Variants in CACNB4 observed in about 807,000 individuals in gnomAD.
The protein encoded by CACNB4 is voltage-dependent L-type calcium channel subunit beta-4.
CACNB4 carries 32 observed loss-of-function variants against 71.2 expected under a neutral mutation model. The ratio of observed to expected loss-of-function variants is 0.45; its 90% CI spans 0.34 to 0.60. The LOEUF (loss-of-function observed/expected upper bound fraction) is 0.60. Among genes scored for constraint, CACNB4 ranks in the 20% least tolerant of loss-of-function variants. The pLI is 0.01. For synonymous variants in CACNB4, 231 were observed against 236.9 expected, an observed-to-expected ratio of 0.97 and a Z score of 0.23; for missense variants, 464 against 647.9, an observed-to-expected ratio of 0.72 and a Z score of 3.08.
chr2:151,990,540 G>A (rs1007722483), intron 2 of CACNB4, among the ~76,000 whole-genome samples: 14 of 152,154 alleles, frequency 9.2e-5, no homozygotes, highest in African/African-American at 3.4e-4. Flanking sequence ...AACAGGGACC[G>A]GGTCTTGTGC....
intron 2 of CACNB4, among the ~76,000 whole-genome samples, chr2:151,975,397 T>C (rs1358304251): frequency 1.3e-5 from 2 of 152,234 alleles, no homozygotes; most frequent in African/African-American, 4.8e-5. Context: ...GTCGCACATC[T>C]TGGGAGTGGC....
intron 2 of CACNB4, among the ~76,000 whole-genome samples, chr2:152,035,283 G>A (rs746456124): frequency 2.0e-5 from 3 of 152,156 alleles, no homozygotes; most frequent in African/African-American, 2.4e-5. Context: ...TTCGCAGGCC[G>A]GGAGCAGTGG....
intron 2 of CACNB4, among the ~76,000 whole-genome samples, chr2:152,002,965 T>A (rs1682509127): frequency 6.6e-6 from 1 of 152,206 alleles, no homozygotes; most frequent in Non-Finnish European, 1.5e-5. Context: ...GAGCCCCAAT[T>A]AGGTTCTGCA....
intron 12 of CACNB4, among the ~76,000 whole-genome samples, chr2:151,846,547 T>G (rs1201894621): frequency 6.6e-6 from 1 of 152,060 alleles, no homozygotes; most frequent in Non-Finnish European, 1.5e-5. Context: ...GTTTGTTTTT[T>G]GTTTTGTTTT....
intron 2 of CACNB4, among the ~76,000 whole-genome samples, chr2:152,043,638 C>T (rs562560169): frequency 6.6e-6 from 1 of 152,140 alleles, no homozygotes; most frequent in African/African-American, 2.4e-5. Context: ...TTTACCTTCA[C>T]ACTTAAAGTG....
chr2:151,902,204 T>G (rs2099853632), intron 2 of CACNB4, among the ~76,000 whole-genome samples: 2 of 152,126 alleles, frequency 1.3e-5, no homozygotes, highest in Admixed American at 1.3e-4. Flanking sequence ...ACTAACTTAT[T>G]ATTTTTTGTA....
intron 2 of CACNB4, among the ~76,000 whole-genome samples, chr2:152,072,327 T>C (rs955861004): frequency 4.6e-5 from 7 of 152,240 alleles, no homozygotes; most frequent in African/African-American, 1.7e-4. Flanking sequence ...ATCACGGAGC[T>C]GGCTCCAAGA....
intron 12 of CACNB4, among the ~76,000 whole-genome samples, chr2:151,846,444 G>A (rs1339919683): frequency 6.6e-6 from 1 of 152,040 alleles, no homozygotes; most frequent in East Asian, 1.9e-4. Context: ...CATATTGTCT[G>A]TTTTTTTAAA....
At chr2:152,049,966 C>A (rs1161445586) in intron 2 of CACNB4, among the ~76,000 whole-genome samples, 2 of 152,230 alleles carry the variant, frequency 1.3e-5, no homozygotes, top group Non-Finnish European at 2.9e-5. Context: ...GCATCTCAAC[C>A]AACCAGACCA....
At chr2:152,008,723 G>C (rs546978998) in intron 2 of CACNB4, among the ~76,000 whole-genome samples, 127 of 152,246 alleles carry the variant, frequency 8.3e-4, no homozygotes, top group Admixed American at 2.2e-3. Flanking sequence ...ACTTAATATG[G>C]AGTCTGGCCC....
intron 2 of CACNB4, among the ~76,000 whole-genome samples, chr2:152,093,400 GGTGTGTGTGT>G (rs34845177): frequency 2.7e-5 from 4 of 146,558 alleles, no homozygotes; most frequent in Admixed American, 6.8e-5. Flanking sequence ...GCTGTTTTTT[GGTGTGTGTGT>G]GTGTGTGTGT....
chr2:151,954,568 T>C (rs147696373), intron 2 of CACNB4, among the ~76,000 whole-genome samples: 1 of 152,336 alleles, frequency 6.6e-6, no homozygotes, highest in African/African-American at 2.4e-5. Context: ...ATGAGAAAGT[T>C]CATTTGCGGG....
At chr2:151,874,338 C>A (rs2099845397) in intron 5 of CACNB4, among the ~76,000 whole-genome samples, 1 of 151,802 alleles carries the variant, frequency 6.6e-6, no homozygotes, top group South Asian at 2.1e-4. Flanking sequence ...CACGATGGTG[C>A]GTGCCTGTAA....
chr2:151,908,509 G>C (rs2099855354), intron 2 of CACNB4, among the ~76,000 whole-genome samples: 1 of 152,156 alleles, frequency 6.6e-6, no homozygotes, highest in Non-Finnish European at 1.5e-5. Flanking sequence ...TTGGTTTTAG[G>C]AATCTGCAAC....
intron 5 of CACNB4, among the ~76,000 whole-genome samples, chr2:151,876,149 G>C (rs767616694): frequency 5.3e-5 from 8 of 152,098 alleles, no homozygotes; most frequent in Non-Finnish European, 8.8e-5. Context: ...TGTGGAGAAA[G>C]AATGCCCGAA....
At chr2:152,018,846 G>A (rs1252417409) in intron 2 of CACNB4, among the ~76,000 whole-genome samples, 1 of 104,744 alleles carries the variant, frequency 9.5e-6, no homozygotes, top group South Asian at 2.8e-4. Flanking sequence ...CACAGACAAA[G>A]GTATCAAATA....
chr2:151,875,903 C>T (rs2099846054), intron 5 of CACNB4, among the ~76,000 whole-genome samples: 2 of 139,766 alleles, frequency 1.4e-5, no homozygotes, highest in African/African-American at 5.2e-5. Flanking sequence ...GGGCTCCTCA[C>T]TTCCCAGTAG....
chr2:151,909,511 T>C (rs550620775), intron 2 of CACNB4, among the ~76,000 whole-genome samples: 2 of 151,168 alleles, frequency 1.3e-5, no homozygotes, highest in Non-Finnish European at 2.9e-5. Context: ...TACACAGGTA[T>C]ATGTGTGCCA....
intron 9 of CACNB4, among the ~76,000 whole-genome samples, chr2:151,862,974 C>G (rs375306857): frequency 1.7e-4 from 26 of 152,212 alleles, no homozygotes; most frequent in African/African-American, 5.5e-4. Flanking sequence ...ACCTGACTTT[C>G]TATTACTCCA....
Sources: allele counts gnomAD v4.1 joint callset (sites outside exome capture counted in the v4.1 genomes callset), GRCh38; gene constraint gnomAD v4.1.1; transcripts MANE v1.5; gene names NCBI Gene and HGNC (gene_info 2026-07-23, HGNC 2026-07-21).